Variants in RNF115 observed in about 807,000 individuals in gnomAD.
The protein encoded by RNF115 is ring finger protein 115.
Under a neutral mutation model 39.2 loss-of-function variants are expected in RNF115, and 31 were observed. The ratio of observed to expected loss-of-function variants is 0.79; its 90% confidence interval spans 0.59 to 1.07. RNF115 has a LOEUF of 1.07. Among genes scored for constraint, RNF115 ranks in the 50% least tolerant of loss-of-function variants. RNF115 has a pLI of 0.00. For missense variants in RNF115, 384 were observed against 381.7 expected (o/e 1.01, Z -0.05); for synonymous variants, 124 against 131.0 (o/e 0.95, Z 0.37).
intron 3 of RNF115, among the ~76,000 whole-genome samples, chr1:145,776,246 A>G (rs1182160793): frequency 1.4e-5 from 2 of 145,564 alleles, no homozygotes; most frequent in East Asian, 4.2e-4. Flanking sequence ...CTCACTGCAT[A>G]CTCCGCCTCC....
At chr1:145,754,952 A>T (rs1445396060) in intron 4 of RNF115, among the ~76,000 whole-genome samples, 3 of 151,964 alleles carry the variant, frequency 2.0e-5, no homozygotes, top group African/African-American at 7.2e-5. Context: ...GGTAAAAAAA[A>T]GTGGGGGAAA....
At chr1:145,762,600 T>C (rs934838463) in intron 4 of RNF115, among the ~76,000 whole-genome samples, 2 of 152,126 alleles carry the variant, frequency 1.3e-5, no homozygotes, top group Non-Finnish European at 2.9e-5. Context: ...GTCTACAAGA[T>C]TATACATCAA....
chr1:145,799,737 C>T (rs1171308491), intron 1 of RNF115, among the ~76,000 whole-genome samples: 3 of 152,136 alleles, frequency 2.0e-5, no homozygotes, highest in East Asian at 1.9e-4. Context: ...GGACTATAGG[C>T]GTACATCACC....
At chr1:145,756,831 C>CTTTTTTTT (rs142073195) in intron 4 of RNF115, among the ~76,000 whole-genome samples, 9 of 67,872 alleles carry the variant, frequency 1.3e-4, no homozygotes, top group Non-Finnish European at 2.1e-4. Flanking sequence ...TTTCTAGCTT[C>CTTTTTTTT]TTTTTTTTTT....
At position 145,797,857 on chromosome 1, in the gene RNF115, A is replaced by G. The variant is rs181881713; in HGVS notation, c.103-8891T>C. Among the ~76,000 whole-genome samples, 313 of 152,206 alleles carry G rather than the reference A, an allele frequency of 2.1e-3. 3 individuals are homozygous for G. In the South Asian group the frequency reaches 0.034, roughly 17 times the overall value. ...TAGCCATCCTAATGGATGTGAGGTG[A>G]TATCTCATTGTGGTTTTGATTTGGA... On this transcript the variant is annotated intron_variant, in intron 1 of 8. Transcript: ENST00000582693.
chr1:145,766,184 G>A (rs1212432156), intron 4 of RNF115, among the ~76,000 whole-genome samples: 1 of 152,130 alleles, frequency 6.6e-6, no homozygotes, highest in African/African-American at 2.4e-5. Flanking sequence ...AAATTAGGGA[G>A]TGGCGATGAC....
intron 3 of RNF115, among the ~76,000 whole-genome samples, chr1:145,778,481 A>G (rs1349645115): frequency 6.6e-6 from 1 of 152,240 alleles, no homozygotes; most frequent in African/African-American, 2.4e-5. Context: ...TACGTAGTAT[A>G]TGAATTATAT....
chr1:145,802,557 T>C (rs1649294734), intron 1 of RNF115, among the ~76,000 whole-genome samples: 1 of 152,208 alleles, frequency 6.6e-6, no homozygotes. Flanking sequence ...GTACATCAAA[T>C]GTAATATAAA....
intron 1 of RNF115, among the ~76,000 whole-genome samples, chr1:145,791,822 A>G (rs1648682365): frequency 6.6e-6 from 1 of 152,218 alleles, no homozygotes; most frequent in African/African-American, 2.4e-5. Flanking sequence ...TTAACTACCT[A>G]TTAAAATAGA....
chr1:145,775,343 T>A (rs1263658445), intron 3 of RNF115, among the ~76,000 whole-genome samples: 2 of 151,178 alleles, frequency 1.3e-5, no homozygotes, highest in Non-Finnish European at 2.9e-5. Flanking sequence ...TAACTAATAA[T>A]AAAATAGAAC....
chr1:145,744,595 G>C lies in RNF115; in HGVS notation c.*2271C>G, dbSNP rs970908911. The C allele has an allele frequency of 6.6e-6, 1 of 152,154 alleles. No individual in the cohort carries two copies. Among genetic ancestry groups the C allele is most frequent in the Non-Finnish European group, 1.5e-5 (1 of 68,022 alleles). The allele number at this position is 152,154 out of a possible 1,614,324, so 9.4% of individuals were successfully genotyped here. A position where few individuals can be genotyped will look rare whatever the true frequency, so the allele number is the denominator to read the frequency against. On this transcript the variant is annotated 3_prime_UTR_variant, in exon 9 of 9. Coordinates refer to ENST00000582693, the MANE Select transcript of RNF115 (RefSeq NM_014455.4). The stretch of plus-strand genomic sequence containing the variant: ...ATCCTTTACCAAAGTACAGAGAAAC[G>C]TTATCTCTAGCCCCCTTCCGTCACC...
rs77018841 is a variant in RNF115 at position 145,788,701 on chromosome 1, T to C, written c.161+207A>G. The C allele has an allele frequency of 3.1e-3, 2,068 of 674,690 alleles. 32 individuals are homozygous for C. In the African/African-American group the frequency reaches 0.031, roughly 10 times the overall value. The allele number at this position is 674,690 out of a possible 1,614,324, so 41.8% of individuals were successfully genotyped here. On this transcript the variant is annotated intron_variant, in intron 2 of 8. Transcript: ENST00000582693. ...ATCACCACATCTGCTATGATATCAC[T>C]TTCCAAATTTTCCCATTTTTCTTTC...
chr1:145,788,892 T>A lies in RNF115; in HGVS notation c.161+16A>T, dbSNP rs1215695019. 1.3e-6 allele frequency: 2 copies of A among 1,559,066 alleles called. No individual in the cohort carries two copies. The highest frequency in any genetic ancestry group is 1.8e-6 in the Non-Finnish European group (2 of 1,133,844). ...GATAATAGAATGTCTGATTTATTCATGAGCTTGTACAATACCTGGAATCAT... is the reference window on the plus strand; with the variant it reads ...GATAATAGAATGTCTGATTTATTCAAGAGCTTGTACAATACCTGGAATCAT... On this transcript the variant is annotated intron_variant, in intron 2 of 8. Coordinates refer to ENST00000582693, the MANE Select transcript of RNF115 (RefSeq NM_014455.4).
intron 3 of RNF115, among the ~76,000 whole-genome samples, chr1:145,776,473 T>C (rs1553716580): frequency 2.6e-5 from 4 of 151,730 alleles, no homozygotes; most frequent in Non-Finnish European, 1.5e-5. Context: ...CTGACCAACA[T>C]TTTTTTAAAG....
chr1:145,822,609 T>C (rs1650324769), intron 1 of RNF115, among the ~76,000 whole-genome samples: 2 of 150,002 alleles, frequency 1.3e-5, no homozygotes, highest in Admixed American at 1.3e-4. Flanking sequence ...AGACTGAACC[T>C]GGACACTTGT....
At chr1:145,786,275 A>C (rs1215607643) in intron 2 of RNF115, among the ~76,000 whole-genome samples, 3 of 152,206 alleles carry the variant, frequency 2.0e-5, no homozygotes, top group Non-Finnish European at 2.9e-5. Context: ...CCCATTATCT[A>C]ATATTTACAT....
chr1:145,771,974 G>T (rs1647663898), intron 3 of RNF115, 55 bp from the exon 4 acceptor site: 1 of 1,413,674 alleles, frequency 7.1e-7, no homozygotes, highest in Non-Finnish European at 9.9e-7. Flanking sequence ...ATAAACACCT[G>T]GATTGTTTAC....
intron 1 of RNF115, among the ~76,000 whole-genome samples, chr1:145,792,808 T>C (rs1648739643): frequency 6.6e-6 from 1 of 152,160 alleles, no homozygotes; most frequent in Non-Finnish European, 1.5e-5. Context: ...TGTAGGAAAC[T>C]TTAGTTAACT....
chr1:145,785,336 A>G (rs1283069479), intron 2 of RNF115, among the ~76,000 whole-genome samples: 2 of 152,252 alleles, frequency 1.3e-5, no homozygotes, highest in Admixed American at 6.5e-5. Flanking sequence ...TTTAAGTGTC[A>G]GACATTACAC....
Sources: gnomAD v4.1 joint callset for allele counts (sites outside exome capture counted in the v4.1 genomes callset) on GRCh38, gnomAD v4.1.1 for gene constraint, MANE v1.5 for transcripts, NCBI Gene and HGNC (gene_info 2026-07-23, HGNC 2026-07-21) for gene names.